Variants in MGST3 observed in about 807,000 individuals in gnomAD.
MGST3 encodes the protein glutathione S-transferase 3, mitochondrial.
In MGST3, 13 loss-of-function variants were observed where a neutral mutation model predicts 15.8. The observed-to-expected ratio is 0.82, with a 90% CI of 0.54 to 1.31. The LOEUF (loss-of-function observed/expected upper bound fraction) is 1.31. Among genes scored for constraint, MGST3 ranks in the 50% most tolerant of loss-of-function variants. MGST3 has a pLI of 0.00. For synonymous variants in MGST3, 49 were observed against 68.1 expected, an observed-to-expected ratio of 0.72 and a Z score of 1.38; for missense variants, 155 against 192.4, an observed-to-expected ratio of 0.81 and a Z score of 1.15.
chr1:165,653,696 G>T (rs1648623305), intron 4 of MGST3: 1 of 155,804 alleles, frequency 6.4e-6, no homozygotes, highest in Non-Finnish European at 1.4e-5. Context: ...CTCTTCTCAA[G>T]GACATTGGGA....
chr1:165,647,701 T>TA (rs1648444052), intron 1 of MGST3: 1 of 151,656 alleles, frequency 6.6e-6, no homozygotes, highest in Non-Finnish European at 1.5e-5. Flanking sequence ...TTATTGTCCT[T>TA]ACATTTATTG....
At chr1:165,632,758 C>T (rs767764522) in intron 1 of MGST3, among the ~76,000 whole-genome samples, 40 of 151,972 alleles carry the variant, frequency 2.6e-4, no homozygotes, top group Non-Finnish European at 5.1e-4. Flanking sequence ...TAGATTTCTT[C>T]CTGTTGGCTT....
intron 3 of MGST3, 22 bp from the exon 4 acceptor site, chr1:165,651,956 A>T: frequency 1.3e-6 from 2 of 1,584,534 alleles, no homozygotes; most frequent in Non-Finnish European, 1.7e-6. Context: ...ACTTTTTAAA[A>T]GTTTCTTTCT....
chr1:165,649,842 C>T lies in MGST3; in HGVS notation c.-6C>T, dbSNP rs6681. 0.038 allele frequency: 60,757 copies of T among 1,613,906 alleles called. 1,251 individuals are homozygous for T. The highest frequency in any genetic ancestry group is 0.041 in the Non-Finnish European group (48,837 of 1,179,944). The stretch of plus-strand genomic sequence containing the variant: ...CCCAACGTGTTCTTTCTTCCACAGA[C>T]GCAAGATGGCTGTCCTCTCTAAGGA... On this transcript the variant is annotated splice_region_variant and 5_prime_UTR_variant, in exon 2 of 6. It adds an upstream start codon to the 5' untranslated region. Coordinates refer to ENST00000367889, the MANE Select transcript of MGST3 (RefSeq NM_004528.4).
At chr1:165,634,766 T>C (rs1417496032) in intron 1 of MGST3, among the ~76,000 whole-genome samples, 10 of 12,482 alleles carry the variant, frequency 8.0e-4, no homozygotes, top group African/African-American at 1.5e-3. Context: ...CCTCCCTCCC[T>C]CTCTCTCCCT....
In MGST3 at chr1:165,645,822, C is replaced by A. The variant is rs1049839725; in HGVS notation, c.-7-4019C>A. ...CTGCATGTGGTAGAAGGTTTCAATT[C>A]ATAAATATTAATTTATACTGCTGGT... On this transcript the variant is annotated intron_variant, in intron 1 of 5. Coordinates refer to ENST00000367889, the MANE Select transcript of MGST3 (RefSeq NM_004528.4). 4 of 152,320 alleles carry A rather than the reference C, an allele frequency of 2.6e-5. No individual in the cohort carries two copies. The South Asian group carries it at 8.3e-4, about 32-fold the overall frequency. 9.4% of individuals were successfully genotyped at this position (152,320 alleles called of 1,614,324 possible). A position where few individuals can be genotyped will look rare whatever the true frequency, so the allele number is the denominator to read the frequency against.
intron 1 of MGST3, among the ~76,000 whole-genome samples, chr1:165,639,744 A>G (rs1648212296): frequency 6.6e-6 from 1 of 152,200 alleles, no homozygotes; most frequent in African/African-American, 2.4e-5. Context: ...CAGAGGCTGC[A>G]GTGAGCTGAG....
At chr1:165,652,077 C>G in intron 4 of MGST3, 42 bp downstream of exon 4, 1 of 1,361,650 alleles carries the variant, frequency 7.3e-7, no homozygotes, top group South Asian at 1.2e-5. Flanking sequence ...GATAGTAGTT[C>G]ACTGAGCTAT....
intron 1 of MGST3, among the ~76,000 whole-genome samples, chr1:165,635,369 A>G (rs1009778134): frequency 1.3e-5 from 2 of 152,154 alleles, no homozygotes; most frequent in African/African-American, 4.8e-5. Context: ...CTCAGAGGAG[A>G]TTTCATCAGG....
At chr1:165,634,445 C>T (rs1648043568) in intron 1 of MGST3, among the ~76,000 whole-genome samples, 1 of 152,182 alleles carries the variant, frequency 6.6e-6, no homozygotes, top group Non-Finnish European at 1.5e-5. Flanking sequence ...TTACTAAATA[C>T]TGTGCACGGT....
rs1057304022 is a variant in MGST3 at position 165,649,752 on chromosome 1, C to T, written c.-7-89C>T. On this transcript the variant is annotated intron_variant, in intron 1 of 5. Coordinates refer to ENST00000367889, the MANE Select transcript of MGST3 (RefSeq NM_004528.4). ...TTTTGGTCTCTATTTACTCATTTGC[C>T]AGTAATAAAGCATCTTGCTCCCTAA... 7.8e-6 allele frequency: 12 copies of T among 1,533,618 alleles called. No individual in the cohort carries two copies. The African/African-American group carries it at 1.4e-4, about 17-fold the overall frequency.
rs1469510945 is a variant in MGST3, at chr1:165,651,029, A to G, written c.133A>G (p.Ser45Gly). The G allele has an allele frequency of 5.0e-6, 8 of 1,614,226 alleles. No individual in the cohort carries two copies. The highest frequency in any genetic ancestry group is 5.1e-6 in the Non-Finnish European group (6 of 1,180,028). Residue 45 changes from serine to glycine, a missense_variant, in exon 3 of 6, where the codon AGC becomes GGC. Ser to Gly is a moderately conservative substitution (Grantham distance 56). Transcript: ENST00000367889. ...GTTGTGACAGTATCCTATCATGTAC[A>G]GCACGGACCCTGAAAATGGGCACAT... ...KYKVEYPIMY[S>G]TDPENGHIFN...
chr1:165,640,810 A>G (rs1038084721), intron 1 of MGST3, among the ~76,000 whole-genome samples: 4 of 152,172 alleles, frequency 2.6e-5, no homozygotes, highest in African/African-American at 4.8e-5. Context: ...ACTATATTCA[A>G]TGCCACACAA....
rs539878309 is a variant in MGST3 at position 165,642,917 on chromosome 1, C to T, written c.-7-6924C>T. 7.2e-5 allele frequency among the ~76,000 whole-genome samples: 11 copies of T among 152,290 alleles called. 1 individual carries two copies. The South Asian group carries it at 8.3e-4, about 11-fold the overall frequency. ...AAGCCAGAAGTCAGGTCTGATCTTT[C>T]GGTTCCATCATTCCATACTGCCTGT... is the stretch of plus-strand genomic sequence containing the variant. On this transcript the variant is annotated intron_variant, in intron 1 of 5. Coordinates refer to ENST00000367889, the MANE Select transcript of MGST3 (RefSeq NM_004528.4).
intron 1 of MGST3, chr1:165,632,244 C>T (rs760942960): frequency 6.2e-7 from 1 of 1,612,436 alleles, no homozygotes. Flanking sequence ...CAGGAGATGC[C>T]CTGGAGGGGA....
chr1:165,631,504 G>A (rs1647941660), intron 1 of MGST3, among the ~76,000 whole-genome samples: 1 of 152,194 alleles, frequency 6.6e-6, no homozygotes, highest in Non-Finnish European at 1.5e-5. Context: ...GGTGGAGTGG[G>A]TTGGGAGCGT....
At position 165,631,289 on chromosome 1, in the gene MGST3, T is replaced by C. The variant is rs1647934182; in HGVS notation, c.-12T>C. On this transcript the variant is annotated 5_prime_UTR_variant, in exon 1 of 6. Coordinates refer to ENST00000367889, the MANE Select transcript of MGST3 (RefSeq NM_004528.4). Reference sequence around the variant, plus strand: ...TTCTGCTCCAGCTGTTCGAAGGTGATCCAGGTGAGTGCTAGCACCTGCGGG... The same window carrying C: ...TTCTGCTCCAGCTGTTCGAAGGTGACCCAGGTGAGTGCTAGCACCTGCGGG... 6.5e-6 allele frequency: 1 copy of C among 152,796 alleles called. No individual in the cohort carries two copies. The allele number at this position is 152,796 out of a possible 1,614,324, so 9.5% of individuals were successfully genotyped here. A position where few individuals can be genotyped will look rare whatever the true frequency, so the allele number is the denominator to read the frequency against.
intron 1 of MGST3, chr1:165,632,379 C>T: frequency 8.0e-7 from 1 of 1,244,676 alleles, no homozygotes; most frequent in African/African-American, 1.5e-5. Flanking sequence ...TGTAGATCAC[C>T]TGGAGCCAGC....
Position 165,654,157 on chromosome 1 carries a change from G to C in MGST3, c.250-122G>C. 2.3e-6 allele frequency: 2 copies of C among 866,722 alleles called. 1 individual carries two copies. The highest frequency in any genetic ancestry group is 2.7e-5 in the South Asian group (2 of 74,480). 53.7% of individuals were successfully genotyped at this position (866,722 alleles called of 1,614,324 possible). A position where few individuals can be genotyped will look rare whatever the true frequency, so the allele number is the denominator to read the frequency against. The stretch of plus-strand genomic sequence containing the variant: ...TAATTCTACCTAATTTGCGTGGGGA[G>C]TAGTTGGCCAAATCATCAAATTGTT... On this transcript the variant is annotated intron_variant, in intron 4 of 5. Transcript: ENST00000367889.
Sources: gnomAD v4.1 joint callset for allele counts (sites outside exome capture counted in the v4.1 genomes callset) on GRCh38, gnomAD v4.1.1 for gene constraint, MANE v1.5 for transcripts, NCBI Gene and HGNC (gene_info 2026-07-23, HGNC 2026-07-21) for gene names.